Variants in CENPU observed in about 807,000 individuals in gnomAD.
CENPU encodes centromere protein U.
A neutral mutation model predicts 56.7 loss-of-function variants in CENPU; 46 were observed. The observed-to-expected ratio is 0.81, with a 90% confidence interval of 0.64 to 1.04. The LOEUF (loss-of-function observed/expected upper bound fraction) is 1.04. CENPU is among the 50% of genes least tolerant of loss of function. The probability of loss-of-function intolerance (pLI) is 0.00; values close to 1 mark genes in which losing one functional copy is unlikely to be tolerated. For missense variants in CENPU, 510 were observed against 490.1 expected, an observed-to-expected ratio of 1.04 and a Z score of -0.38; for synonymous variants, 166 against 163.0, an observed-to-expected ratio of 1.02 and a Z score of -0.14.
At chr4:184,729,122 C>T (rs61539306) in intron 2 of CENPU, 87 bp from the exon 3 acceptor site, 143,990 of 1,042,350 alleles carry the variant, frequency 0.14, 11,133 homozygotes, top group African/African-American at 0.26. Context: ...CTTGTAATCA[C>T]TGCTGCCTAA....
At chr4:184,733,232 G>A (rs1010044930) in intron 1 of CENPU, 5 of 809,840 alleles carry the variant, frequency 6.2e-6, no homozygotes, top group Non-Finnish European at 6.0e-6. Context: ...GTCTGGTCTC[G>A]GTTTCCCCAC....
At chr4:184,733,939 G>C (rs896692192) in intron 1 of CENPU, 77 bp downstream of exon 1, 2 of 1,591,900 alleles carry the variant, frequency 1.3e-6, no homozygotes, top group African/African-American at 2.7e-5. Context: ...AGCGCCGGGA[G>C]GCGCAAACCA....
At chr4:184,732,785 C>G (rs1468970789) in intron 1 of CENPU, among the ~76,000 whole-genome samples, 1 of 152,024 alleles carries the variant, frequency 6.6e-6, no homozygotes, top group African/African-American at 2.4e-5. Flanking sequence ...GGGCGGATCA[C>G]GAGGTGAGGA....
At chr4:184,721,751 G>A (rs1761286017) in intron 4 of CENPU, among the ~76,000 whole-genome samples, 1 of 152,160 alleles carries the variant, frequency 6.6e-6, no homozygotes, top group Non-Finnish European at 1.5e-5. Context: ...CCAGATAGAT[G>A]AAGCTAATAT....
chr4:184,704,945 A>G (rs976226716), intron 8 of CENPU, among the ~76,000 whole-genome samples: 1 of 152,240 alleles, frequency 6.6e-6, no homozygotes, highest in African/African-American at 2.4e-5. Flanking sequence ...TAGTGAGAAC[A>G]CCAAATGCTG....
Position 184,695,075 on chromosome 4 carries a change from A to G in CENPU, c.*213T>C. 1.9e-6 allele frequency: 1 copy of G among 538,792 alleles called. No homozygotes were observed. The highest frequency in any genetic ancestry group is 3.3e-6 in the Non-Finnish European group (1 of 303,146). The allele number at this position is 538,792 out of a possible 1,614,324, so 33.4% of individuals were successfully genotyped here. Reference sequence around the variant, plus strand: ...TCAACATTTTAAAATTACTCAAGATATTAACCAGAAAAGATGATTATGGCC... The same window carrying G: ...TCAACATTTTAAAATTACTCAAGATGTTAACCAGAAAAGATGATTATGGCC... On this transcript the variant is annotated 3_prime_UTR_variant, in exon 13 of 13. Coordinates refer to ENST00000281453, the MANE Select transcript of CENPU (RefSeq NM_024629.4).
At chr4:184,731,106 G>A (rs553047592) in intron 1 of CENPU, 138 bp from the exon 2 acceptor site, 1 of 642,554 alleles carries the variant, frequency 1.6e-6, no homozygotes, top group Non-Finnish European at 2.6e-6. Flanking sequence ...TTTTTTATAG[G>A]TCAAATCCTA....
chr4:184,700,429 T>C (rs920024115), intron 11 of CENPU, among the ~76,000 whole-genome samples: 10 of 152,236 alleles, frequency 6.6e-5, no homozygotes, highest in African/African-American at 2.4e-4. Flanking sequence ...TATGCCTATA[T>C]ACAAAAGAGG....
At chr4:184,713,565 C>T (rs1760993830) in intron 6 of CENPU, among the ~76,000 whole-genome samples, 1 of 152,138 alleles carries the variant, frequency 6.6e-6, no homozygotes, top group African/African-American at 2.4e-5. Context: ...AAAAGCTGAA[C>T]TTTTATTACT....
intron 11 of CENPU, among the ~76,000 whole-genome samples, chr4:184,699,356 A>AAAAT (rs1554010054): frequency 0.056 from 8,472 of 151,786 alleles, 753 homozygotes; most frequent in African/African-American, 0.19. Context: ...ATAAATAAAT[A>AAAAT]AAATAAACTT....
intron 11 of CENPU, among the ~76,000 whole-genome samples, chr4:184,699,924 T>C (rs1458328913): frequency 6.6e-6 from 1 of 152,242 alleles, no homozygotes; most frequent in Non-Finnish European, 1.5e-5. Context: ...CCCAAAGTGC[T>C]GGGATTACAG....
intron 7 of CENPU, 129 bp from the exon 8 acceptor site, chr4:184,710,309 G>T: frequency 1.8e-6 from 1 of 570,886 alleles, no homozygotes; most frequent in South Asian, 2.6e-5. Flanking sequence ...CAATCAGAGA[G>T]GAGGTGCCGT....
At chr4:184,730,454 G>A (rs1033204589) in intron 2 of CENPU, among the ~76,000 whole-genome samples, 1 of 149,512 alleles carries the variant, frequency 6.7e-6, no homozygotes, top group Admixed American at 6.7e-5. Context: ...AGATTACAAT[G>A]TCAATCACAC....
At chr4:184,721,856 TAAAG>T (rs942707452) in intron 4 of CENPU, among the ~76,000 whole-genome samples, 1 of 152,100 alleles carries the variant, frequency 6.6e-6, no homozygotes, top group African/African-American at 2.4e-5. Flanking sequence ...AGACAATCAA[TAAAG>T]AAACAGCAGA....
At chr4:184,733,470 G>A in intron 1 of CENPU, 1 of 957,054 alleles carries the variant, frequency 1.0e-6, no homozygotes, top group Non-Finnish European at 1.2e-6. Context: ...TCTAGAGCGC[G>A]TTTTGCAACC....
chr4:184,700,959 G>C, intron 10 of CENPU, 78 bp from the exon 11 acceptor site: 12 of 1,196,074 alleles, frequency 1.0e-5, no homozygotes, highest in Non-Finnish European at 1.5e-5. Flanking sequence ...AGGTAATGAA[G>C]TGCAGTGGAA....
chr4:184,721,715 C>T (rs6419939), intron 4 of CENPU, among the ~76,000 whole-genome samples: 27,051 of 151,952 alleles, frequency 0.18, 2,689 homozygotes, highest in African/African-American at 0.26. Flanking sequence ...CAATTTGAAA[C>T]ATACATGCAC....
At position 184,697,086 on chromosome 4, in the gene CENPU, G is replaced by A. The variant is rs1376192641; in HGVS notation, c.1143+561C>T. On this transcript the variant is annotated intron_variant, in intron 12 of 12. Coordinates refer to ENST00000281453, the MANE Select transcript of CENPU (RefSeq NM_024629.4). ...AGTAGAGATGGGGTTTCACCATATCGCCCAAGGCTGGTCTTGAACTCCTGG... is the reference window on the plus strand; with the variant it reads ...AGTAGAGATGGGGTTTCACCATATCACCCAAGGCTGGTCTTGAACTCCTGG... 6.6e-5 allele frequency among the ~76,000 whole-genome samples: 10 copies of A among 152,020 alleles called. No homozygotes were observed. In the East Asian group the frequency reaches 1.2e-3, roughly 18 times the overall value.
intron 8 of CENPU, among the ~76,000 whole-genome samples, chr4:184,705,927 T>A (rs1489735432): frequency 1.3e-5 from 2 of 152,056 alleles, no homozygotes; most frequent in Non-Finnish European, 2.9e-5. Flanking sequence ...AAACAGAAAG[T>A]AGAAGGGTGG....
Sources: gnomAD v4.1 joint callset for allele counts (sites outside exome capture counted in the v4.1 genomes callset) on GRCh38, gnomAD v4.1.1 for gene constraint, MANE v1.5 for transcripts, NCBI Gene and HGNC (gene_info 2026-07-23, HGNC 2026-07-21) for gene names.